Variants in MGST2 observed in about 807,000 individuals in gnomAD.
MGST2 encodes glutathione peroxidase MGST2.
Under a neutral mutation model 16.6 loss-of-function variants are expected in MGST2, and 9 were observed. That is an observed-to-expected ratio of 0.54 (90% CI 0.33 to 0.95). The LOEUF is 0.95. MGST2 is among the 40% of genes least tolerant of loss of function. The probability of loss-of-function intolerance (pLI) is 0.03; values close to 1 mark genes in which losing one functional copy is unlikely to be tolerated. For missense variants in MGST2, 159 were observed against 175.1 expected (o/e 0.91, Z 0.52); for synonymous variants, 79 against 68.0 (o/e 1.16, Z -0.79).
downstream of MGST2, among the ~76,000 whole-genome samples, chr4:139,707,626 G>A (rs1221035867): frequency 6.1e-5 from 9 of 148,564 alleles, no homozygotes; most frequent in Admixed American, 2.0e-4. Context: ...CTGAGGAATC[G>A]CCACACTGAC....
At chr4:139,725,896 A>T in intron 5 of MGST2, 6 of 1,369,054 alleles carry the variant, frequency 4.4e-6, no homozygotes, top group Non-Finnish European at 3.1e-6. Context: ...ACACAATTCA[A>T]TATCCCAGCA....
At chr4:139,753,380 CT>C in the MGST2 span, among the ~76,000 whole-genome samples, 5 of 151,264 alleles carry the variant, frequency 3.3e-5, no homozygotes, top group African/African-American at 1.2e-4. Flanking sequence ...ATCTATCTAT[CT>C]ATCTATTTTT....
At chr4:139,752,946 G>T in the MGST2 span, among the ~76,000 whole-genome samples, 1 of 152,130 alleles carries the variant, frequency 6.6e-6, no homozygotes, top group African/African-American at 2.4e-5. Flanking sequence ...TTGCAGGCTG[G>T]GGTGATTTTT....
intron 3 of MGST2, among the ~76,000 whole-genome samples, chr4:139,695,489 G>A (rs997898882): frequency 3.3e-5 from 5 of 152,156 alleles, no homozygotes; most frequent in East Asian, 3.8e-4. Flanking sequence ...AAGTGTGGTG[G>A]CGCATGCCTG....
downstream of MGST2, among the ~76,000 whole-genome samples, chr4:139,706,642 T>A (rs1445029840): frequency 6.6e-6 from 1 of 152,128 alleles, no homozygotes; most frequent in Non-Finnish European, 1.5e-5. Flanking sequence ...CAATTTCTGT[T>A]TTGCACTTAA....
chr4:139,668,795 G>C (rs1730511861), intron 1 of MGST2, among the ~76,000 whole-genome samples: 2 of 152,180 alleles, frequency 1.3e-5, no homozygotes, highest in African/African-American at 4.8e-5. Context: ...TTGCTGCCCT[G>C]GAGGATATTG....
At chr4:139,702,024 A>G (rs1049760268) in intron 3 of MGST2, among the ~76,000 whole-genome samples, 1 of 152,144 alleles carries the variant, frequency 6.6e-6, no homozygotes, top group Non-Finnish European at 1.5e-5. Context: ...AATCTAGCAT[A>G]TCGCAGTCCC....
At chr4:139,754,297 T>C in the MGST2 span, among the ~76,000 whole-genome samples, 1 of 152,246 alleles carries the variant, frequency 6.6e-6, no homozygotes, top group African/African-American at 2.4e-5. Context: ...TTCTTCTTGA[T>C]TATAAATTTA....
At chr4:139,725,251 GT>G (rs1235922715) in intron 5 of MGST2, among the ~76,000 whole-genome samples, 2 of 152,216 alleles carry the variant, frequency 1.3e-5, no homozygotes, top group Admixed American at 1.3e-4. Flanking sequence ...AAAGAGACTA[GT>G]GGTTGTTGCA....
chr4:139,676,001 G>A (rs984862572), intron 1 of MGST2, among the ~76,000 whole-genome samples: 3 of 152,142 alleles, frequency 2.0e-5, no homozygotes, highest in Non-Finnish European at 1.5e-5. Flanking sequence ...CTCAGATAAG[G>A]AGTTCTGCCT....
chr4:139,674,937 T>C (rs768548927), intron 1 of MGST2, among the ~76,000 whole-genome samples: 7 of 152,176 alleles, frequency 4.6e-5, no homozygotes, highest in Non-Finnish European at 1.0e-4. Flanking sequence ...GTGTGTGTGA[T>C]TCTCTGCAGG....
chr4:139,724,878 C>T (rs1482206696), intron 5 of MGST2, among the ~76,000 whole-genome samples: 1 of 151,608 alleles, frequency 6.6e-6, no homozygotes, highest in Non-Finnish European at 1.5e-5. Context: ...TGTGCCTCAA[C>T]CTCCTAAGTA....
At chr4:139,687,066 C>G (rs561572380) in intron 2 of MGST2, among the ~76,000 whole-genome samples, 1 of 152,296 alleles carries the variant, frequency 6.6e-6, no homozygotes, top group South Asian at 2.1e-4. Flanking sequence ...GTATTTCTCT[C>G]AAGTTACTAT....
intron 5 of MGST2, among the ~76,000 whole-genome samples, chr4:139,714,861 A>G (rs1727880841): frequency 6.6e-6 from 1 of 152,148 alleles, no homozygotes; most frequent in African/African-American, 2.4e-5. Flanking sequence ...CAGTAATCCT[A>G]CCAGCTCTCA....
At chr4:139,673,894 T>C (rs930958174) in intron 1 of MGST2, among the ~76,000 whole-genome samples, 1 of 152,048 alleles carries the variant, frequency 6.6e-6, no homozygotes, top group African/African-American at 2.4e-5. Flanking sequence ...GCAGAAGGTA[T>C]AGGAAAGATA....
In MGST2 at chr4:139,702,326, C is replaced by T. The variant is rs149891116; in HGVS notation, c.230-1129C>T. 7.0e-4 allele frequency among the ~76,000 whole-genome samples: 106 copies of T among 152,280 alleles called. 1 individual carries two copies. In the South Asian group the frequency reaches 0.021, roughly 31 times the overall value. On this transcript the variant is annotated intron_variant, in intron 3 of 4. Coordinates refer to ENST00000265498, the MANE Select transcript of MGST2 (RefSeq NM_002413.5). ...CAACCACCCAGAAAGTGTCCTCCTG[C>T]TTCTCCCAGTCAGTCCCCATTCTCA... is the stretch of plus-strand genomic sequence containing the variant.
At chr4:139,679,725 A>G (rs1731139600) in intron 2 of MGST2, among the ~76,000 whole-genome samples, 1 of 152,160 alleles carries the variant, frequency 6.6e-6, no homozygotes, top group South Asian at 2.1e-4. Flanking sequence ...CGTGGGGTGA[A>G]TACCACCGGG....
At chr4:139,726,829 T>C (rs888382329) in intron 5 of MGST2, among the ~76,000 whole-genome samples, 17 of 152,222 alleles carry the variant, frequency 1.1e-4, no homozygotes, top group African/African-American at 3.9e-4. Flanking sequence ...CTGGGAAGGC[T>C]ATTATCATTA....
chr4:139,705,050 G>A (rs183557652), downstream of MGST2, among the ~76,000 whole-genome samples: 1 of 152,120 alleles, frequency 6.6e-6, no homozygotes, highest in Non-Finnish European at 1.5e-5. Flanking sequence ...GGAAAAGAAA[G>A]AAATTTAATT....
Sources: gnomAD v4.1 joint callset for allele counts (sites outside exome capture counted in the v4.1 genomes callset) on GRCh38, gnomAD v4.1.1 for gene constraint, MANE v1.5 for transcripts, NCBI Gene and HGNC (gene_info 2026-07-23, HGNC 2026-07-21) for gene names.